The following ZNF827 variants were observed in gnomAD, a reference collection of about 807,000 sequenced individuals.
ZNF827 encodes the protein zinc finger protein 827.
A neutral mutation model predicts 102.4 loss-of-function variants in ZNF827; 13 were observed. That is an observed-to-expected ratio of 0.13 (90% CI 0.08 to 0.20). The LOEUF is 0.20. ZNF827 is among the 10% of genes least tolerant of loss of function. The pLI is 1.00. For synonymous variants in ZNF827, 523 were observed against 536.2 expected (o/e 0.98, Z 0.34); for missense variants, 1,103 against 1,344.4 (o/e 0.82, Z 2.81).
chr4:145,915,277 G>A (rs908777499), intron 1 of ZNF827, among the ~76,000 whole-genome samples: 3 of 152,036 alleles, frequency 2.0e-5, no homozygotes, highest in African/African-American at 2.4e-5. Flanking sequence ...GAGAAATCCC[G>A]TCTCTACTAA....
intron 1 of ZNF827, among the ~76,000 whole-genome samples, chr4:145,929,105 T>C (rs1037890268): frequency 5.3e-5 from 8 of 152,256 alleles, no homozygotes; most frequent in African/African-American, 1.7e-4. Context: ...CACATTACTA[T>C]GGCACCAGCT....
At chr4:145,789,728 A>T (rs986339746) in intron 8 of ZNF827, among the ~76,000 whole-genome samples, 2 of 152,194 alleles carry the variant, frequency 1.3e-5, no homozygotes, top group African/African-American at 4.8e-5. Context: ...TAATGGTTCT[A>T]ATTTATTTCA....
In ZNF827 at chr4:145,902,537, G is replaced by A; in HGVS notation, c.722C>T (p.Ser241Phe). Reference sequence around the variant, plus strand: ...GGCAGACTGGGAGCTAAAAGGGGAGGAAAAGGACTCAAATCGCATGGTCTC... The same window carrying A: ...GGCAGACTGGGAGCTAAAAGGGGAGAAAAAGGACTCAAATCGCATGGTCTC... ...TEETMRFESF[S>F]SPFSSQSASS... Residue 241 changes from serine (S) to phenylalanine (F), a missense_variant, in exon 2 of 15, where the codon TCC (serine) becomes TTC (phenylalanine). Physicochemically the swap from Ser to Phe is radical, Grantham distance 155. Coordinates refer to ENST00000508784, the MANE Select transcript of ZNF827 (RefSeq NM_001306215.2). The surrounding 1 kb of genome is among the most constrained non-coding windows in gnomAD (Gnocchi z 4.3). 6.2e-7 allele frequency: 1 copy of A among 1,614,110 alleles called. No homozygotes were observed. The highest frequency in any genetic ancestry group is 8.5e-7 in the Non-Finnish European group (1 of 1,180,014).
rs1272345400 is a variant in ZNF827, at chr4:145,757,825, C to A, written c.*3791G>T. The A allele has an allele frequency of 1.3e-5, 2 of 151,856 alleles. No homozygotes were observed. The highest frequency in any genetic ancestry group is 4.8e-5 in the African/African-American group (2 of 41,324). 9.4% of individuals were successfully genotyped at this position (151,856 alleles called of 1,614,324 possible). ...ACACAAACCTTGACAGTATGATCAT[C>A]TGAACATAATATGAAGAGTTAAAAA... is the stretch of plus-strand genomic sequence containing the variant. On this transcript the variant is annotated 3_prime_UTR_variant, in exon 15 of 15. Transcript: ENST00000508784.
chr4:145,924,291 C>T (rs539317754), intron 1 of ZNF827, among the ~76,000 whole-genome samples: 294 of 152,306 alleles, frequency 1.9e-3, no homozygotes, highest in African/African-American at 6.4e-3. Flanking sequence ...GAGAAGAATA[C>T]ACAAACAAGT....
chr4:145,837,769 A>G (rs1409748259), intron 7 of ZNF827, among the ~76,000 whole-genome samples: 1 of 152,022 alleles, frequency 6.6e-6, no homozygotes, highest in African/African-American at 2.4e-5. Context: ...TCCTTCTGTT[A>G]TTCCATTTAG....
At chr4:145,935,112 C>T (rs1754065938) in intron 1 of ZNF827, among the ~76,000 whole-genome samples, 2 of 152,190 alleles carry the variant, frequency 1.3e-5, no homozygotes, top group Non-Finnish European at 2.9e-5. Flanking sequence ...TTAAATCTGC[C>T]CCTATTTAAC....
intron 1 of ZNF827, among the ~76,000 whole-genome samples, chr4:145,921,779 T>C (rs574702624): frequency 3.3e-4 from 50 of 152,206 alleles, no homozygotes; most frequent in African/African-American, 1.1e-3. Flanking sequence ...AGACTGGAAA[T>C]CTTAGTCATC....
chr4:145,920,717 C>T (rs767613896), intron 1 of ZNF827, among the ~76,000 whole-genome samples: 27 of 152,232 alleles, frequency 1.8e-4, no homozygotes, highest in Non-Finnish European at 3.2e-4. Context: ...TTTGTTTATT[C>T]ATTCAGCAGT....
intron 1 of ZNF827, among the ~76,000 whole-genome samples, chr4:145,928,211 T>C (rs1753570790): frequency 6.6e-6 from 1 of 152,234 alleles, no homozygotes; most frequent in East Asian, 1.9e-4. Context: ...GTGGGAGTTC[T>C]GGTTAGTTCA....
chr4:145,918,828 T>C (rs1752869398), intron 1 of ZNF827, among the ~76,000 whole-genome samples: 1 of 152,234 alleles, frequency 6.6e-6, no homozygotes, highest in Non-Finnish European at 1.5e-5. Flanking sequence ...TTTTGTTTTG[T>C]TTTGAAAGCC....
intron 5 of ZNF827, among the ~76,000 whole-genome samples, chr4:145,867,726 G>A (rs1184708499): frequency 6.6e-6 from 1 of 152,186 alleles, no homozygotes; most frequent in Non-Finnish European, 1.5e-5. Flanking sequence ...CATATGGGAA[G>A]ACTACAAATG....
chr4:145,927,737 G>A (rs1753531383), intron 1 of ZNF827, among the ~76,000 whole-genome samples: 1 of 152,210 alleles, frequency 6.6e-6, no homozygotes, highest in Middle Eastern at 3.2e-3. Context: ...TGACACTGGT[G>A]ACTACAAGCT....
chr4:145,769,554 C>T (rs1327003817), intron 11 of ZNF827, among the ~76,000 whole-genome samples: 1 of 152,206 alleles, frequency 6.6e-6, no homozygotes, highest in Non-Finnish European at 1.5e-5. Context: ...ATACAATGTG[C>T]TGTGCCAGCC....
At chr4:145,805,123 TTTTG>T (rs753967669) in intron 8 of ZNF827, among the ~76,000 whole-genome samples, 3 of 91,392 alleles carry the variant, frequency 3.3e-5, no homozygotes, top group South Asian at 5.1e-4. Context: ...GAGCAATTCC[TTTTG>T]TGTGTGTGTG....
At chr4:145,773,714 G>A (rs532463432) in intron 11 of ZNF827, among the ~76,000 whole-genome samples, 2 of 152,348 alleles carry the variant, frequency 1.3e-5, no homozygotes, top group African/African-American at 2.4e-5. Context: ...TAACAGGCGA[G>A]CACTGGTGAA....
chr4:145,773,139 G>T (rs1736537967), intron 11 of ZNF827, among the ~76,000 whole-genome samples: 1 of 152,214 alleles, frequency 6.6e-6, no homozygotes, highest in South Asian at 2.1e-4. Context: ...AAAGCCAGTG[G>T]TAATGGAAAA....
chr4:145,768,916 T>TATATATATATATATATATAAAAAA (rs34051922), intron 11 of ZNF827, among the ~76,000 whole-genome samples: 8 of 34,428 alleles, frequency 2.3e-4, no homozygotes, highest in Non-Finnish European at 1.0e-4. Context: ...TATATATATA[T>TATATATATATATATATATAAAAAA]TAGGTATACA....
intron 3 of ZNF827, among the ~76,000 whole-genome samples, chr4:145,890,809 C>A (rs976174409): frequency 6.6e-6 from 1 of 152,188 alleles, no homozygotes; most frequent in African/African-American, 2.4e-5. Flanking sequence ...TAAAATTCAG[C>A]CAACCAGAAC....
Sources: allele counts gnomAD v4.1 joint callset (sites outside exome capture counted in the v4.1 genomes callset), GRCh38; gene constraint gnomAD v4.1.1; non-coding constraint Gnocchi (gnomAD v3.1); transcripts MANE v1.5; gene names NCBI Gene and HGNC (gene_info 2026-07-23, HGNC 2026-07-21).